RASSF10: variants seen among roughly 807,000 people sequenced by gnomAD.
RASSF10 encodes ras association domain-containing protein 10.
Under a neutral mutation model 41.5 loss-of-function variants are expected in RASSF10, and 22 were observed. That is an observed-to-expected ratio of 0.53 (90% CI 0.38 to 0.76). RASSF10 has a LOEUF of 0.76. RASSF10 is among the 30% of genes least tolerant of loss of function. The pLI is 0.00. For missense variants in RASSF10, 776 were observed against 711.8 expected, an observed-to-expected ratio of 1.09 and a Z score of -1.03; for synonymous variants, 364 against 319.0, an observed-to-expected ratio of 1.14 and a Z score of -1.50.
Position 13,009,466 on chromosome 11 carries a change from C to T in RASSF10, c.-111C>T. ...GGGGGAACAGGGCTAGTGCAGCCGCCGGAGGGGGGCACGGGCTCCTCTCCC... is the reference window on the plus strand; with the variant it reads ...GGGGGAACAGGGCTAGTGCAGCCGCTGGAGGGGGGCACGGGCTCCTCTCCC... On this transcript the variant is annotated 5_prime_UTR_variant, in exon 1 of 1. Coordinates refer to ENST00000529419, the MANE Select transcript of RASSF10 (RefSeq NM_001080521.3). The T allele has an allele frequency of 7.3e-6, 11 of 1,511,418 alleles. No homozygotes were observed. Among genetic ancestry groups the T allele is most frequent in the Non-Finnish European group, 9.7e-6 (11 of 1,133,378 alleles). The allele number at this position is 1,511,418 out of a possible 1,614,324, so 93.6% of individuals were successfully genotyped here.
Position 13,010,855 on chromosome 11 carries a change from C to A in RASSF10, c.1279C>A (p.Arg427Ser), listed in dbSNP as rs1441888741. Residue 427 changes from arginine to serine, a missense_variant, in exon 1 of 1, where the codon CGC becomes AGC. Transcript: ENST00000529419. The surrounding 1 kb of genome is among the most constrained non-coding windows in gnomAD (Gnocchi z 4.8). ...YSQQQWDSKK[R>S]ELQGLLQTLH... ...CCAGCAGCAATGGGACAGCAAGAAGCGCGAGCTACAGGGCCTTCTGCAAAC... is the reference window on the plus strand; with the variant it reads ...CCAGCAGCAATGGGACAGCAAGAAGAGCGAGCTACAGGGCCTTCTGCAAAC... The A allele has an allele frequency of 6.2e-7, 1 of 1,613,904 alleles. No individual in the cohort carries two copies. Among genetic ancestry groups the A allele is most frequent in the East Asian group, 2.2e-5 (1 of 44,866 alleles).
In RASSF10 at chr11:13,011,394, C is replaced by T. The variant is rs1171439571; in HGVS notation, c.*294C>T. ...ACAACCCAAGGAAATTGACGTGGTC[C>T]GAGCCCATTTTCAAAGTAAGGAAGT... On this transcript the variant is annotated 3_prime_UTR_variant, in exon 1 of 1. Transcript: ENST00000529419. 3.1e-6 allele frequency: 1 copy of T among 322,174 alleles called. No individual in the cohort carries two copies. The highest frequency in any genetic ancestry group is 5.7e-6 in the Non-Finnish European group (1 of 175,228). 20.0% of individuals were successfully genotyped at this position (322,174 alleles called of 1,614,324 possible).
In RASSF10 at chr11:13,010,930, G is replaced by C; in HGVS notation, c.1354G>C (p.Gly452Arg). 2 of 1,613,774 alleles carry C rather than the reference G, an allele frequency of 1.2e-6. No individual in the cohort carries two copies. The highest frequency in any genetic ancestry group is 1.7e-6 in the Non-Finnish European group (2 of 1,179,874). Residue 452 changes from glycine to arginine, a missense_variant, in exon 1 of 1, where the codon GGC becomes CGC. Coordinates refer to ENST00000529419, the MANE Select transcript of RASSF10 (RefSeq NM_001080521.3). The surrounding 1 kb of genome is among the most constrained non-coding windows in gnomAD (Gnocchi z 4.8). ...TVAPDGAPGS[G>R]SPSREPGPQA... ...GGCACCGGATGGGGCTCCTGGCTCT[G>C]GCAGTCCCTCGCGGGAACCTGGGCC...
In RASSF10 at chr11:13,010,658, G is replaced by A. The variant is rs1475166279; in HGVS notation, c.1082G>A (p.Arg361Gln). The A allele has an allele frequency of 6.3e-7, 1 of 1,591,552 alleles. No individual in the cohort carries two copies. Among genetic ancestry groups the A allele is most frequent in the South Asian group, 1.1e-5 (1 of 87,586 alleles). Residue 361 changes from arginine (R) to glutamine (Q), a missense_variant, in exon 1 of 1, where the codon CGG becomes CAG. Physicochemically the swap from Arg to Gln is conservative, Grantham distance 43. Coordinates refer to ENST00000529419, the MANE Select transcript of RASSF10 (RefSeq NM_001080521.3). This position sits in a 1 kb window ranked among gnomAD's most constrained non-coding sequence, Gnocchi z 4.8. ...GAACTCAACCAGAGGTGGATGCGAC[G>A]GCGCCAGGAGGAGCTGGCGGCGCGG... The part of the protein sequence containing the change: ...QEELNQRWMR[R>Q]RQEELAAREE...
Position 13,011,176 on chromosome 11 carries a change from C to G in RASSF10, c.*76C>G. ...GCAGAATGCAGTGGGCCAGCCGGCT[C>G]GCGGACTTGAAACCAGGCTGTTGCG... On this transcript the variant is annotated 3_prime_UTR_variant, in exon 1 of 1. Transcript: ENST00000529419. 1.6e-6 allele frequency: 2 copies of G among 1,213,030 alleles called. No individual in the cohort carries two copies. The highest frequency in any genetic ancestry group is 2.3e-6 in the Non-Finnish European group (2 of 885,630). The allele number at this position is 1,213,030 out of a possible 1,614,324, so 75.1% of individuals were successfully genotyped here.
In RASSF10 at chr11:13,010,344, C is replaced by G; in HGVS notation, c.768C>G (p.Tyr256Ter). The G allele has an allele frequency of 6.4e-7, 1 of 1,551,456 alleles. No homozygotes were observed. The highest frequency in any genetic ancestry group is 8.7e-7 in the Non-Finnish European group (1 of 1,147,034). ...AGCTGGACCGCGAGATCGATCACTA[C>G]GAGGCCAAGGTGCACCTGGACCGCA... Reference protein sequence around the residue: ...LHELDREIDHYEAKVHLDRMR... With the variant: ...LHELDREIDH The change falls in exon 1 of 1, where the codon TAC (tyrosine) becomes TAG (stop). Residue 256 changes from tyrosine to a stop codon, truncating the protein, a stop_gained. Coordinates refer to ENST00000529419, the MANE Select transcript of RASSF10 (RefSeq NM_001080521.3). LOFTEE classifies it high-confidence loss of function. The surrounding 1 kb of genome is among the most constrained non-coding windows in gnomAD (Gnocchi z 4.8).
rs766582952 is a variant in RASSF10, at chr11:13,009,496, C to G, written c.-81C>G. ...GGGGGCACGGGCTCCTCTCCCATCCCAGAGCTACTGGGCTGCCCTTGCTGT... is the reference window on the plus strand; with the variant it reads ...GGGGGCACGGGCTCCTCTCCCATCCGAGAGCTACTGGGCTGCCCTTGCTGT... On this transcript the variant is annotated 5_prime_UTR_variant, in exon 1 of 1. Transcript: ENST00000529419. The G allele has an allele frequency of 3.9e-6, 6 of 1,540,176 alleles. No individual in the cohort carries two copies. The highest frequency in any genetic ancestry group is 5.2e-6 in the Non-Finnish European group (6 of 1,144,074).
rs1326005798 is a variant in RASSF10, at chr11:13,011,687, C to G, written c.*587C>G. On this transcript the variant is annotated 3_prime_UTR_variant, in exon 1 of 1. Transcript: ENST00000529419. ...TTTGGGAATTACCCATCTGCTAAATCATTTGTCTTTTATTTTCTTTCAAAG... is the reference window on the plus strand; with the variant it reads ...TTTGGGAATTACCCATCTGCTAAATGATTTGTCTTTTATTTTCTTTCAAAG... 1 of 152,426 alleles carries G rather than the reference C, an allele frequency of 6.6e-6. No individual in the cohort carries two copies. The highest frequency in any genetic ancestry group is 1.5e-5 in the Non-Finnish European group (1 of 68,226). The allele number at this position is 152,426 out of a possible 1,614,324, so 9.4% of individuals were successfully genotyped here.
rs1358053302 is a variant in RASSF10, at chr11:13,010,180, A to C, written c.604A>C (p.Thr202Pro). 2 of 1,592,372 alleles carry C rather than the reference A, an allele frequency of 1.3e-6. No individual in the cohort carries two copies. The highest frequency in any genetic ancestry group is 1.7e-6 in the Non-Finnish European group (2 of 1,171,146). The part of the protein sequence containing the change: ...QQQTPSSCSS[T>P]SSSTASSCSS... ...GCAGACACCGTCGTCCTGTTCGTCCACTTCGTCGTCCACTGCCTCGTCCTG... is the reference window on the plus strand; with the variant it reads ...GCAGACACCGTCGTCCTGTTCGTCCCCTTCGTCGTCCACTGCCTCGTCCTG... The change falls in exon 1 of 1, where the codon ACT (threonine) becomes CCT (proline). Residue 202 changes from threonine (T) to proline (P), a missense_variant. Physicochemically the swap from Thr to Pro is conservative, Grantham distance 38. Coordinates refer to ENST00000529419, the MANE Select transcript of RASSF10 (RefSeq NM_001080521.3). This position sits in a 1 kb window ranked among gnomAD's most constrained non-coding sequence, Gnocchi z 4.8.
In RASSF10 at chr11:13,009,509, C is replaced by G. The variant is rs749142790; in HGVS notation, c.-68C>G. On this transcript the variant is annotated 5_prime_UTR_variant, in exon 1 of 1. Transcript: ENST00000529419. Reference sequence around the variant, plus strand: ...CCTCTCCCATCCCAGAGCTACTGGGCTGCCCTTGCTGTCCTCGCCGCCCCA... The same window carrying G: ...CCTCTCCCATCCCAGAGCTACTGGGGTGCCCTTGCTGTCCTCGCCGCCCCA... 3.1e-5 allele frequency: 48 copies of G among 1,559,308 alleles called. No individual in the cohort carries two copies. In the East Asian group the frequency reaches 4.3e-4, roughly 14 times the overall value.
At position 13,009,812 on chromosome 11, in the gene RASSF10, T is replaced by TGCCGCAGGGCATGCTGTGCGGGCC. The variant is rs1565016665; in HGVS notation, c.237_260dup (p.Gly82_Gln89dup). On this transcript the variant is annotated inframe_insertion, in exon 1 of 1. Transcript: ENST00000529419. The stretch of plus-strand genomic sequence containing the variant: ...GACGACGAGGACGACGACGAGGCGC[T>TGCCGCAGGGCATGCTGTGCGGGCC]GCCGCAGGGCATGCTGTGCGGGCCC... The TGCCGCAGGGCATGCTGTGCGGGCC allele has an allele frequency of 6.2e-7, 1 of 1,607,516 alleles. No homozygotes were observed. Among genetic ancestry groups the TGCCGCAGGGCATGCTGTGCGGGCC allele is most frequent in the African/African-American group, 1.3e-5 (1 of 74,842 alleles).
rs771522557 is a variant in RASSF10, at chr11:13,011,015, G to A, written c.1439G>A (p.Gly480Asp). 2.5e-6 allele frequency: 4 copies of A among 1,612,708 alleles called. No individual in the cohort carries two copies. In the Admixed American group the frequency reaches 6.7e-5, roughly 27 times the overall value. ...CGTGGACTGGCCAAGAGCGGTCCTG[G>A]CAACGACGAAGACTCGGATACGGGA... ...QARGLAKSGP[G>D]NDEDSDTGLS... The change falls in exon 1 of 1, where the codon GGC (glycine) becomes GAC (aspartate). Residue 480 changes from glycine to aspartate, a missense_variant. By Grantham distance (94) the Gly-to-Asp change is moderately conservative. Coordinates refer to ENST00000529419, the MANE Select transcript of RASSF10 (RefSeq NM_001080521.3).
In RASSF10 at chr11:13,009,467, G is replaced by A; in HGVS notation, c.-110G>A. 1 of 1,512,726 alleles carries A rather than the reference G, an allele frequency of 6.6e-7. No homozygotes were observed. The allele number at this position is 1,512,726 out of a possible 1,614,324, so 93.7% of individuals were successfully genotyped here. On this transcript the variant is annotated 5_prime_UTR_variant, in exon 1 of 1. Transcript: ENST00000529419. The stretch of plus-strand genomic sequence containing the variant: ...GGGGAACAGGGCTAGTGCAGCCGCC[G>A]GAGGGGGGCACGGGCTCCTCTCCCA...
Position 13,010,748 on chromosome 11 carries a change from G to A in RASSF10, c.1172G>A (p.Arg391Lys), listed in dbSNP as rs761742645. 6.2e-7 allele frequency: 1 copy of A among 1,603,630 alleles called. No homozygotes were observed. The highest frequency in any genetic ancestry group is 1.7e-5 in the Admixed American group (1 of 58,266). The change falls in exon 1 of 1, where the codon AGG becomes AAG. Residue 391 changes from arginine to lysine, a missense_variant. Coordinates refer to ENST00000529419, the MANE Select transcript of RASSF10 (RefSeq NM_001080521.3). This position sits in a 1 kb window ranked among gnomAD's most constrained non-coding sequence, Gnocchi z 4.8. ...GELLLEQERV[R>K]TQLSTSLYIG... is the part of the protein sequence containing the mutation. ...CTGCTGCTGGAGCAGGAACGGGTCA[G>A]GACGCAGCTCAGTACCAGCCTTTAC...
Position 13,010,904 on chromosome 11 carries a change from T to A in RASSF10, c.1328T>A (p.Val443Glu). ...ACTTTGCACACTTTGGAGCTGACGG[T>A]GGCACCGGATGGGGCTCCTGGCTCT... The part of the protein sequence containing the change: ...LQTLHTLELT[V>E]APDGAPGSGS... The change falls in exon 1 of 1, where the codon GTG becomes GAG. Residue 443 changes from valine (V) to glutamate (E), a missense_variant. Val to Glu is a moderately radical substitution (Grantham distance 121). Transcript: ENST00000529419. The surrounding 1 kb of genome is among the most constrained non-coding windows in gnomAD (Gnocchi z 4.8). 1 of 1,613,844 alleles carries A rather than the reference T, an allele frequency of 6.2e-7. No individual in the cohort carries two copies. Among genetic ancestry groups the A allele is most frequent in the Non-Finnish European group, 8.5e-7 (1 of 1,179,864 alleles).
rs1463028609 is a variant in RASSF10 at position 13,009,521 on chromosome 11, T to C, written c.-56T>C. The stretch of plus-strand genomic sequence containing the variant: ...CAGAGCTACTGGGCTGCCCTTGCTG[T>C]CCTCGCCGCCCCAGCAGACCCCGGC... On this transcript the variant is annotated 5_prime_UTR_variant, in exon 1 of 1. Coordinates refer to ENST00000529419, the MANE Select transcript of RASSF10 (RefSeq NM_001080521.3). 1 of 1,572,950 alleles carries C rather than the reference T, an allele frequency of 6.4e-7. No individual in the cohort carries two copies. The highest frequency in any genetic ancestry group is 1.4e-5 in the African/African-American group (1 of 73,986).
In RASSF10 at chr11:13,009,338, G is replaced by A. The variant is rs753189971; in HGVS notation, c.-239G>A. 6.0e-5 allele frequency: 56 copies of A among 938,442 alleles called. No homozygotes were observed. The highest frequency in any genetic ancestry group is 1.4e-5 in the South Asian group (1 of 70,482). The allele number at this position is 938,442 out of a possible 1,614,324, so 58.1% of individuals were successfully genotyped here. A position where few individuals can be genotyped will look rare whatever the true frequency, so the allele number is the denominator to read the frequency against. On this transcript the variant is annotated 5_prime_UTR_variant, in exon 1 of 1. Transcript: ENST00000529419. Reference sequence around the variant, plus strand: ...GGCAGAGCCAGAGCGGCGGGAGCCGGTCCTGGGCGCGTTGCCCCGGGAGCG... The same window carrying A: ...GGCAGAGCCAGAGCGGCGGGAGCCGATCCTGGGCGCGTTGCCCCGGGAGCG...
rs200457508 is a variant in RASSF10 at position 13,010,508 on chromosome 11, C to A, written c.932C>A (p.Ala311Asp). ...GAGGCGGCGGCGGCGCCCCCTCTAG[C>A]CGGCGAGGCGCAGGCGGCGGCGCTG... Reference protein sequence around the residue: ...AEEAAAAPPLAGEAQAAALEE... With the variant: ...AEEAAAAPPLDGEAQAAALEE... Residue 311 changes from alanine to aspartate, a missense_variant, in exon 1 of 1, where the codon GCC (alanine) becomes GAC (aspartate). Transcript: ENST00000529419. This position sits in a 1 kb window ranked among gnomAD's most constrained non-coding sequence, Gnocchi z 4.8. 9,417 of 1,516,048 alleles carry A rather than the reference C, an allele frequency of 6.2e-3. 34 individuals are homozygous for A. Among genetic ancestry groups the A allele is most frequent in the Non-Finnish European group, 7.3e-3 (8,255 of 1,131,606 alleles). 93.9% of individuals were successfully genotyped at this position (1,516,048 alleles called of 1,614,324 possible).
chr11:13,009,459 C>T lies in RASSF10; in HGVS notation c.-118C>T, dbSNP rs777556607. ...GCGCAGCGGGGGAACAGGGCTAGTG[C>T]AGCCGCCGGAGGGGGGCACGGGCTC... On this transcript the variant is annotated 5_prime_UTR_variant, in exon 1 of 1. Coordinates refer to ENST00000529419, the MANE Select transcript of RASSF10 (RefSeq NM_001080521.3). The T allele has an allele frequency of 2.0e-6, 3 of 1,508,266 alleles. No homozygotes were observed. The highest frequency in any genetic ancestry group is 2.6e-6 in the Non-Finnish European group (3 of 1,132,084). The allele number at this position is 1,508,266 out of a possible 1,614,324, so 93.4% of individuals were successfully genotyped here. A position where few individuals can be genotyped will look rare whatever the true frequency, so the allele number is the denominator to read the frequency against.
Sources: gnomAD v4.1 joint callset for allele counts on GRCh38, gnomAD v4.1.1 for gene constraint, Gnocchi (gnomAD v3.1) non-coding constraint, MANE v1.5 for transcripts, NCBI Gene and HGNC (gene_info 2026-07-23, HGNC 2026-07-21) for gene names.